Variants in SYT1 observed in about 807,000 individuals in gnomAD.
SYT1 encodes synaptotagmin-1.
In SYT1, 8 loss-of-function variants were observed where a neutral mutation model predicts 44.8. The ratio of observed to expected loss-of-function variants is 0.18; its 90% CI spans 0.10 to 0.32. The LOEUF (loss-of-function observed/expected upper bound fraction) is 0.32, where lower values mean the gene tolerates loss of function less well. Among genes scored for constraint, SYT1 ranks in the 10% least tolerant of loss-of-function variants. The probability of loss-of-function intolerance (pLI) is 1.00; values close to 1 mark genes in which losing one functional copy is unlikely to be tolerated. For synonymous variants in SYT1, 154 were observed against 188.8 expected, an observed-to-expected ratio of 0.82 and a Z score of 1.51; for missense variants, 286 against 509.3, an observed-to-expected ratio of 0.56 and a Z score of 4.22.
intron 2 of SYT1, among the ~76,000 whole-genome samples, chr12:78,983,670 T>C (rs1869431854): frequency 6.6e-6 from 1 of 152,084 alleles, no homozygotes; most frequent in African/African-American, 2.4e-5. Context: ...TATAAATGTC[T>C]GAATACACAT....
At chr12:78,980,626 G>C (rs558903983) in intron 2 of SYT1, among the ~76,000 whole-genome samples, 1 of 152,096 alleles carries the variant, frequency 6.6e-6, no homozygotes, top group Non-Finnish European at 1.5e-5. Flanking sequence ...TGCTATAAAT[G>C]CTGTTTCATG....
At chr12:79,123,302 A>G (rs1429057881) in intron 3 of SYT1, among the ~76,000 whole-genome samples, 1 of 118,184 alleles carries the variant, frequency 8.5e-6, no homozygotes, top group Non-Finnish European at 1.8e-5. Flanking sequence ...GTATCTCTAA[A>G]AATGCAATGT....
chr12:79,004,104 A>G (rs544063773), intron 2 of SYT1, among the ~76,000 whole-genome samples: 1 of 152,080 alleles, frequency 6.6e-6, no homozygotes, highest in Admixed American at 6.6e-5. Context: ...CATTTAGTTT[A>G]TATGTATAAG....
intron 4 of SYT1, among the ~76,000 whole-genome samples, chr12:79,273,945 G>A (rs1379003916): frequency 2.6e-5 from 4 of 152,268 alleles, no homozygotes; most frequent in African/African-American, 7.2e-5. Context: ...TTAGCTGGCC[G>A]TGGTGGCACG....
intron 3 of SYT1, among the ~76,000 whole-genome samples, chr12:79,150,113 A>G (rs990383265): frequency 2.0e-5 from 3 of 152,210 alleles, no homozygotes; most frequent in African/African-American, 7.2e-5. Context: ...AAATCAAGTA[A>G]TTAACATATC....
chr12:79,158,455 A>C (rs1259984828), intron 3 of SYT1, among the ~76,000 whole-genome samples: 1 of 151,880 alleles, frequency 6.6e-6, no homozygotes, highest in African/African-American at 2.4e-5. Flanking sequence ...CTTACCTGCC[A>C]CTCACCTCCT....
chr12:78,911,396 T>C (rs950794067), intron 1 of SYT1, among the ~76,000 whole-genome samples: 1 of 151,824 alleles, frequency 6.6e-6, no homozygotes, highest in South Asian at 2.1e-4. Flanking sequence ...GAAGAAAGTA[T>C]ACAATAAAAA....
chr12:79,138,244 T>TA (rs1869324897), intron 3 of SYT1, among the ~76,000 whole-genome samples: 1 of 152,162 alleles, frequency 6.6e-6, no homozygotes, highest in Non-Finnish European at 1.5e-5. Flanking sequence ...TAAAAAGCAG[T>TA]AATTCAAACT....
intron 1 of SYT1, among the ~76,000 whole-genome samples, chr12:78,924,682 C>T (rs1433229080): frequency 1.4e-5 from 2 of 147,714 alleles, no homozygotes; most frequent in African/African-American, 4.9e-5. Flanking sequence ...TTCTTTATAT[C>T]TTTGATGCTC....
intron 10 of SYT1, among the ~76,000 whole-genome samples, chr12:79,447,468 A>C (rs1476969154): frequency 1.3e-5 from 2 of 152,234 alleles, no homozygotes; most frequent in Non-Finnish European, 2.9e-5. Context: ...CTACATATGC[A>C]GCTGGAAACA....
At chr12:79,019,672 G>A (rs1309725333) in intron 2 of SYT1, among the ~76,000 whole-genome samples, 2 of 151,946 alleles carry the variant, frequency 1.3e-5, no homozygotes, top group Admixed American at 1.3e-4. Flanking sequence ...AGTTAGAAGT[G>A]AAGAAACGAC....
chr12:78,931,145 A>G (rs79105923), intron 1 of SYT1, among the ~76,000 whole-genome samples: 2,178 of 143,900 alleles, frequency 0.015, 96 homozygotes, highest in East Asian at 0.1. Flanking sequence ...CTGGGCAGCA[A>G]GAGTGAAAGT....
intron 9 of SYT1, among the ~76,000 whole-genome samples, chr12:79,366,874 T>C (rs979922466): frequency 1.3e-5 from 2 of 151,336 alleles, no homozygotes; most frequent in African/African-American, 2.4e-5. Flanking sequence ...TGTGTTCCTA[T>C]ATGGCTGATA....
At chr12:78,868,102 G>A (rs998598551) in intron 1 of SYT1, among the ~76,000 whole-genome samples, 6 of 151,794 alleles carry the variant, frequency 4.0e-5, no homozygotes, top group East Asian at 1.9e-4. Flanking sequence ...ACAATTATAC[G>A]AGCCTGAAAT....
At chr12:79,436,920 G>C (rs2136189306) in intron 9 of SYT1, among the ~76,000 whole-genome samples, 1 of 152,292 alleles carries the variant, frequency 6.6e-6, no homozygotes, top group East Asian at 1.9e-4. Context: ...CGGTAGTACA[G>C]AAGAAAATGC....
intron 1 of SYT1, among the ~76,000 whole-genome samples, chr12:78,937,141 G>A (rs967136925): frequency 6.9e-4 from 105 of 152,292 alleles, no homozygotes; most frequent in African/African-American, 2.3e-3. Flanking sequence ...CTAGAATCAG[G>A]AAGCAGCCTG....
chr12:79,367,312 C>T (rs544261547), intron 9 of SYT1, among the ~76,000 whole-genome samples: 1 of 152,098 alleles, frequency 6.6e-6, no homozygotes, highest in Non-Finnish European at 1.5e-5. Context: ...TAAAATGAAC[C>T]ACCGCAAGTT....
chr12:79,326,193 G>A (rs1395927376), intron 8 of SYT1, among the ~76,000 whole-genome samples: 2 of 152,156 alleles, frequency 1.3e-5, no homozygotes, highest in Non-Finnish European at 2.9e-5. Flanking sequence ...AAAACCTTTA[G>A]ATCATATTAC....
chr12:79,281,042 C>T (rs913080694), intron 4 of SYT1, among the ~76,000 whole-genome samples: 1 of 151,432 alleles, frequency 6.6e-6, no homozygotes, highest in Non-Finnish European at 1.5e-5. Flanking sequence ...CTCTTACTCA[C>T]TGTTGATGTA....
Sources: gnomAD v4.1 joint callset for allele counts (sites outside exome capture counted in the v4.1 genomes callset) on GRCh38, gnomAD v4.1.1 for gene constraint, MANE v1.5 for transcripts, NCBI Gene and HGNC (gene_info 2026-07-23, HGNC 2026-07-21) for gene names.